TMX4: variants seen among roughly 807,000 people sequenced by gnomAD.
TMX4 encodes the protein thioredoxin related transmembrane protein 4.
A neutral mutation model predicts 33.3 loss-of-function variants in TMX4; 23 were observed. That is an observed-to-expected ratio of 0.69 (90% confidence interval 0.50 to 0.98). The LOEUF (loss-of-function observed/expected upper bound fraction) is 0.98, where lower values mean the gene tolerates loss of function less well. Among genes scored for constraint, TMX4 ranks in the 50% least tolerant of loss-of-function variants. The pLI is 0.00. For synonymous variants in TMX4, 164 were observed against 161.5 expected, an observed-to-expected ratio of 1.02 and a Z score of -0.12; for missense variants, 399 against 448.9, an observed-to-expected ratio of 0.89 and a Z score of 1.01.
chr20:8,008,113 A>G (rs541562886), intron 2 of TMX4, among the ~76,000 whole-genome samples: 2 of 152,358 alleles, frequency 1.3e-5, no homozygotes, highest in Admixed American at 1.3e-4. Context: ...TTGTAATTCA[A>G]AGTAAAATTA....
At chr20:8,016,702 C>T (rs538890653) in intron 1 of TMX4, among the ~76,000 whole-genome samples, 2 of 151,776 alleles carry the variant, frequency 1.3e-5, no homozygotes, top group South Asian at 2.1e-4. Context: ...TATGACGTGG[C>T]GTATAAAAGA....
chr20:7,999,833 A>G lies in TMX4; in HGVS notation c.366T>C (p.Tyr122=). 2 of 1,613,640 alleles carry G rather than the reference A, an allele frequency of 1.2e-6. No homozygotes were observed. Among genetic ancestry groups the G allele is most frequent in the Non-Finnish European group, 1.7e-6 (2 of 1,179,802 alleles). The change falls in exon 4 of 8, where the codon TAT becomes TAC. Residue 122 remains tyrosine (Y), a synonymous_variant. Transcript: ENST00000246024. ...FHAKDGIFRR[Y]RGPGIFEDLQ... is the part of the protein sequence containing the mutation. ...GGTCTTCGAAGATTCCTGGGCCACG[A>G]TAACGGCGGAATATCCCATCCTTTG...
Position 7,996,071 on chromosome 20 carries a change from C to A in TMX4, c.468G>T (p.Thr156=). ...TAAAAAGACCAGCCATTCCAGACAT[C>A]CTTAAAAAAAAATAAAGAGAAGAAA... ...LTGWKSPASL[T]MSGMAGLFSI... is the part of the protein sequence containing the mutation. Residue 156 remains threonine (T), a splice_region_variant and synonymous_variant, in exon 5 of 8, where the codon ACG becomes ACT. Transcript: ENST00000246024. The A allele has an allele frequency of 1.2e-6, 2 of 1,608,508 alleles. No homozygotes were observed. The highest frequency in any genetic ancestry group is 1.7e-6 in the Non-Finnish European group (2 of 1,177,310).
intron 4 of TMX4, among the ~76,000 whole-genome samples, chr20:7,997,823 A>G (rs922651841): frequency 2.6e-5 from 4 of 152,220 alleles, no homozygotes; most frequent in African/African-American, 7.2e-5. Flanking sequence ...CATTATTCCT[A>G]ACAAATTGTA....
At chr20:7,985,277 A>ATATATAT (rs1436534553) in intron 6 of TMX4, among the ~76,000 whole-genome samples, 29 of 110,530 alleles carry the variant, frequency 2.6e-4, no homozygotes, top group Non-Finnish European at 4.3e-4. Context: ...ATATATATAT[A>ATATATAT]TTTTTTTTTT....
intron 1 of TMX4, among the ~76,000 whole-genome samples, chr20:8,014,526 C>A (rs1010167263): frequency 1.3e-5 from 2 of 152,078 alleles, no homozygotes; most frequent in African/African-American, 4.8e-5. Context: ...AAAAAAATAA[C>A]CTTGTTCCTT....
chr20:8,012,840 T>C (rs1269632950), intron 1 of TMX4, among the ~76,000 whole-genome samples: 1 of 152,184 alleles, frequency 6.6e-6, no homozygotes, highest in Non-Finnish European at 1.5e-5. Context: ...CATTTCTACA[T>C]AGCTGCTATA....
rs1473804023 is a variant in TMX4 at position 7,980,814 on chromosome 20, G to A, written c.*1437C>T. ...GAGTTTCAGAACCTCCCCCACCAGT[G>A]AGCTCCGTGCTCACAATTAATACAA... On this transcript the variant is annotated 3_prime_UTR_variant, in exon 8 of 8. Transcript: ENST00000246024. 1 of 152,166 alleles carries A rather than the reference G, an allele frequency of 6.6e-6. No homozygotes were observed. Among genetic ancestry groups the A allele is most frequent in the African/African-American group, 2.4e-5 (1 of 41,446 alleles). 9.4% of individuals were successfully genotyped at this position (152,166 alleles called of 1,614,324 possible). A position where few individuals can be genotyped will look rare whatever the true frequency, so the allele number is the denominator to read the frequency against.
At chr20:8,012,047 A>G (rs1461384989) in intron 1 of TMX4, among the ~76,000 whole-genome samples, 1 of 152,170 alleles carries the variant, frequency 6.6e-6, no homozygotes, top group South Asian at 2.1e-4. Context: ...GTTATTTTCT[A>G]TGTAGTTTCT....
chr20:8,013,467 A>G (rs2122882279), intron 1 of TMX4, among the ~76,000 whole-genome samples: 1 of 152,348 alleles, frequency 6.6e-6, no homozygotes, highest in Admixed American at 6.5e-5. Context: ...CAGATAGCCA[A>G]AAAGCTCTGG....
chr20:8,002,226 C>G (rs2050710487), intron 2 of TMX4, among the ~76,000 whole-genome samples: 1 of 152,130 alleles, frequency 6.6e-6, no homozygotes, highest in Non-Finnish European at 1.5e-5. Context: ...CTTAGTACCT[C>G]AACAAATATT....
intron 3 of TMX4, 73 bp downstream of exon 3, chr20:8,001,423 G>T: frequency 6.9e-7 from 1 of 1,449,516 alleles, no homozygotes; most frequent in Non-Finnish European, 9.5e-7. Context: ...AGTCATGGAA[G>T]ACAACTTAGA....
chr20:7,982,930 T>C (rs1287285732), intron 7 of TMX4, among the ~76,000 whole-genome samples: 8 of 152,178 alleles, frequency 5.3e-5, no homozygotes, highest in Non-Finnish European at 7.4e-5. Flanking sequence ...GTCATGGTGA[T>C]TGGTTCAGAA....
Position 8,019,689 on chromosome 20 carries a change from C to G in TMX4, c.-76G>C, listed in dbSNP as rs951928232. On this transcript the variant is annotated 5_prime_UTR_variant, in exon 1 of 8. Coordinates refer to ENST00000246024, the MANE Select transcript of TMX4 (RefSeq NM_021156.4). ...GCCGGCCCGCAGCCTCGCTCGCCCG[C>G]CGGGTTTTTCAAGGAAGCGGGAGAC... is the stretch of plus-strand genomic sequence containing the variant. The G allele has an allele frequency of 2.9e-5, 36 of 1,232,608 alleles. No homozygotes were observed. Among genetic ancestry groups the G allele is most frequent in the Non-Finnish European group, 3.6e-5 (35 of 975,782 alleles). The allele number at this position is 1,232,608 out of a possible 1,614,324, so 76.4% of individuals were successfully genotyped here.
In TMX4 at chr20:7,980,004, T is replaced by C. The variant is rs557383398; in HGVS notation, c.*2247A>G. 55 of 152,316 alleles carry C rather than the reference T, an allele frequency of 3.6e-4. No homozygotes were observed. The highest frequency in any genetic ancestry group is 1.2e-3 in the African/African-American group (50 of 41,574). The allele number at this position is 152,316 out of a possible 1,614,324, so 9.4% of individuals were successfully genotyped here. A position where few individuals can be genotyped will look rare whatever the true frequency, so the allele number is the denominator to read the frequency against. On this transcript the variant is annotated 3_prime_UTR_variant, in exon 8 of 8. Coordinates refer to ENST00000246024, the MANE Select transcript of TMX4 (RefSeq NM_021156.4). Reference sequence around the variant, plus strand: ...CTTGGGCATGGAACAAAGTTTTGATTGCACTGTAACTGCCACCTGTCAAAT... The same window carrying C: ...CTTGGGCATGGAACAAAGTTTTGATCGCACTGTAACTGCCACCTGTCAAAT...
rs1050065284 is a variant in TMX4, at chr20:7,999,599, A to C, written c.467+133T>G. On this transcript the variant is annotated intron_variant, in intron 4 of 7. Transcript: ENST00000246024. ...AAAATCAGAAATACTGCATGGGCTA[A>C]GCATGGCCATGAGTAATCTGGGTAA... is the stretch of plus-strand genomic sequence containing the variant. 10 of 1,018,338 alleles carry C rather than the reference A, an allele frequency of 9.8e-6. No homozygotes were observed. The East Asian group carries it at 2.5e-4, about 25-fold the overall frequency. 63.1% of individuals were successfully genotyped at this position (1,018,338 alleles called of 1,614,324 possible).
chr20:7,987,790 G>T (rs2050637265), intron 5 of TMX4, among the ~76,000 whole-genome samples: 1 of 152,076 alleles, frequency 6.6e-6, no homozygotes, highest in Non-Finnish European at 1.5e-5. Context: ...ACGACTTACA[G>T]AACGTCAATC....
At chr20:8,011,655 G>C (rs6055459) in intron 1 of TMX4, among the ~76,000 whole-genome samples, 7 of 152,022 alleles carry the variant, frequency 4.6e-5, no homozygotes, top group African/African-American at 1.7e-4. Flanking sequence ...CTGAAAATTA[G>C]GCAGAACCCA....
chr20:7,991,260 G>C (rs1051626039), intron 5 of TMX4, among the ~76,000 whole-genome samples: 1 of 152,160 alleles, frequency 6.6e-6, no homozygotes, highest in East Asian at 1.9e-4. Flanking sequence ...GTAACATTTA[G>C]GAAAGGGAAG....
Sources: gnomAD v4.1 joint callset for allele counts (sites outside exome capture counted in the v4.1 genomes callset) on GRCh38, gnomAD v4.1.1 for gene constraint, MANE v1.5 for transcripts, NCBI Gene and HGNC (gene_info 2026-07-23, HGNC 2026-07-21) for gene names.